Variants in FERMT3 observed in about 807,000 individuals in gnomAD.
FERMT3 encodes the protein fermitin family homolog 3.
A neutral mutation model predicts 80.8 loss-of-function variants in FERMT3; 33 were observed. The ratio of observed to expected loss-of-function variants is 0.41; its 90% CI spans 0.31 to 0.55. The LOEUF (loss-of-function observed/expected upper bound fraction) is 0.55, where lower values mean the gene tolerates loss of function less well. FERMT3 is among the 20% of genes least tolerant of loss of function. The probability of loss-of-function intolerance (pLI) is 0.31; values close to 1 mark genes in which losing one functional copy is unlikely to be tolerated. For missense variants in FERMT3, 754 were observed against 908.7 expected (o/e 0.83, Z 2.19); for synonymous variants, 375 against 372.2 (o/e 1.01, Z -0.09).
rs1489964334 is a variant in FERMT3, at chr11:64,220,291, G to C, written c.1276G>C (p.Glu426Gln). The change falls in exon 11 of 15, where the codon GAG (glutamate) becomes CAG (glutamine). Residue 426 changes from glutamate (E) to glutamine (Q), a missense_variant. Coordinates refer to ENST00000345728, the MANE Select transcript of FERMT3 (RefSeq NM_031471.6). ...FCIKLLVPSPEGMSEIYLRCQ... is the reference protein window; with the variant it reads ...FCIKLLVPSPQGMSEIYLRCQ... Reference sequence around the variant, plus strand: ...CATTAAACTCCTAGTGCCCTCCCCTGAGGGCATGAGTGAGATCTACCTGCG... The same window carrying C: ...CATTAAACTCCTAGTGCCCTCCCCTCAGGGCATGAGTGAGATCTACCTGCG... 5 of 1,613,846 alleles carry C rather than the reference G, an allele frequency of 3.1e-6. No individual in the cohort carries two copies. The African/African-American group carries it at 6.7e-5, about 22-fold the overall frequency.
Position 64,211,814 on chromosome 11 carries a change from T to C in FERMT3, c.786+67T>C. 3.4e-6 allele frequency: 5 copies of C among 1,469,968 alleles called. No homozygotes were observed. The highest frequency in any genetic ancestry group is 4.8e-6 in the Non-Finnish European group (5 of 1,050,662). 91.1% of individuals were successfully genotyped at this position (1,469,968 alleles called of 1,614,324 possible). A position where few individuals can be genotyped will look rare whatever the true frequency, so the allele number is the denominator to read the frequency against. ...ATGTGGAGACCTAGGGCCTGGGGTA[T>C]GGGCTCTGGGATGTTAGTGACTTGT... On this transcript the variant is annotated intron_variant, in intron 6 of 14. Coordinates refer to ENST00000345728, the MANE Select transcript of FERMT3 (RefSeq NM_031471.6). The surrounding 1 kb of genome is among the most constrained non-coding windows in gnomAD (Gnocchi z 4.7).
intron 6 of FERMT3, among the ~76,000 whole-genome samples, chr11:64,214,570 C>T (rs752570759): frequency 1.6e-4 from 25 of 152,120 alleles, no homozygotes; most frequent in Non-Finnish European, 2.6e-4. Flanking sequence ...TGGTCTCAAA[C>T]TCCTGCCCTC....
rs1946777242 is a variant in FERMT3, at chr11:64,223,623, G to A, written c.*131G>A. 8.6e-7 allele frequency: 1 copy of A among 1,163,870 alleles called. No homozygotes were observed. The highest frequency in any genetic ancestry group is 1.3e-5 in the South Asian group (1 of 74,828). The allele number at this position is 1,163,870 out of a possible 1,614,324, so 72.1% of individuals were successfully genotyped here. On this transcript the variant is annotated 3_prime_UTR_variant, in exon 15 of 15. Coordinates refer to ENST00000345728, the MANE Select transcript of FERMT3 (RefSeq NM_031471.6). Reference sequence around the variant, plus strand: ...GCTGGGCATTTCACCTGCTGTCACTGACTTTGTGCAGGCCAAGGACCTGGC... The same window carrying A: ...GCTGGGCATTTCACCTGCTGTCACTAACTTTGTGCAGGCCAAGGACCTGGC...
intron 1 of FERMT3, 22 bp from the exon 2 acceptor site, chr11:64,207,329 C>T: frequency 6.2e-7 from 1 of 1,613,954 alleles, no homozygotes; most frequent in South Asian, 1.1e-5. Context: ...GCCCACCTTG[C>T]CTCCTTCCAC....
chr11:64,213,722 C>T (rs962969500), intron 6 of FERMT3, among the ~76,000 whole-genome samples: 1 of 149,420 alleles, frequency 6.7e-6, no homozygotes, highest in Non-Finnish European at 1.5e-5. Flanking sequence ...CCATGCCCAG[C>T]TAATTTTGTA....
rs757501985 is a variant in FERMT3 at position 64,211,594 on chromosome 11, C to G, written c.684-51C>G. 14 of 1,589,436 alleles carry G rather than the reference C, an allele frequency of 8.8e-6. No individual in the cohort carries two copies. In the Admixed American group the frequency reaches 2.4e-4, roughly 27 times the overall value. ...CCCCCAGCCCAGCCCCCCTCCCCAC[C>G]CCACGGCCGTACCTGGCGCAGCCCT... On this transcript the variant is annotated intron_variant, in intron 5 of 14. Transcript: ENST00000345728. This position sits in a 1 kb window ranked among gnomAD's most constrained non-coding sequence, Gnocchi z 4.7.
upstream of FERMT3, among the ~76,000 whole-genome samples, chr11:64,206,064 C>T (rs917515462): frequency 2.0e-5 from 3 of 152,034 alleles, no homozygotes; most frequent in Admixed American, 1.3e-4. Flanking sequence ...GAGTGAGCCT[C>T]GTGGGGACTC....
In FERMT3 at chr11:64,216,491, G is replaced by A. The variant is rs915545510; in HGVS notation, c.787-2760G>A. On this transcript the variant is annotated intron_variant, in intron 6 of 14. Coordinates refer to ENST00000345728, the MANE Select transcript of FERMT3 (RefSeq NM_031471.6). The stretch of plus-strand genomic sequence containing the variant: ...TGGGATTACAGGCGTGAGCCACCGG[G>A]CCCAGCCTCTATAAGGATTTTTTCG... 7.8e-4 allele frequency among the ~76,000 whole-genome samples: 111 copies of A among 141,632 alleles called. 1 individual carries two copies. Among genetic ancestry groups the A allele is most frequent in the Non-Finnish European group, 1.3e-3 (87 of 64,928 alleles). 92.9% of individuals were successfully genotyped at this position (141,632 alleles called of 152,430 possible).
At chr11:64,217,563 T>G (rs983574182) in intron 6 of FERMT3, among the ~76,000 whole-genome samples, 3 of 151,618 alleles carry the variant, frequency 2.0e-5, no homozygotes, top group Non-Finnish European at 4.4e-5. Flanking sequence ...AAAAAAAAAT[T>G]GTCTGTTTTC....
In FERMT3 at chr11:64,223,405, T is replaced by A. The variant is rs201355598; in HGVS notation, c.1905T>A (p.Ile635=). 76 of 1,613,884 alleles carry A rather than the reference T, an allele frequency of 4.7e-5. No individual in the cohort carries two copies. The East Asian group carries it at 1.7e-3, about 35-fold the overall frequency. ...TACACGAGTATATCGGGGGCTACAT[T>A]TTCCTGTCGACGCGGGAGCGGGCCC... is the stretch of plus-strand genomic sequence containing the variant. ...RIVHEYIGGY[I]FLSTRERARG... Residue 635 remains isoleucine (I), a synonymous_variant, in exon 15 of 15, where the codon ATT becomes ATA. Transcript: ENST00000345728.
In FERMT3 at chr11:64,210,268, C is replaced by T. The variant is rs994623364; in HGVS notation, c.161-343C>T. ...GAATGCAAGACAGAGGCTGTTAAAC[C>T]GTGGATTATGGGAGGACAGAGGGGG... On this transcript the variant is annotated intron_variant, in intron 2 of 14. Transcript: ENST00000345728. This position sits in a 1 kb window ranked among gnomAD's most constrained non-coding sequence, Gnocchi z 4.3. 5.3e-5 allele frequency among the ~76,000 whole-genome samples: 8 copies of T among 152,006 alleles called. No individual in the cohort carries two copies. The South Asian group carries it at 1.2e-3, about 24-fold the overall frequency.
intron 2 of FERMT3, among the ~76,000 whole-genome samples, chr11:64,208,516 C>T (rs752456318): frequency 6.6e-6 from 1 of 152,250 alleles, no homozygotes; most frequent in African/African-American, 2.4e-5. Flanking sequence ...CACATCAGCT[C>T]TGTCTACTGA....
At position 64,219,425 on chromosome 11, in the gene FERMT3, T is replaced by C. The variant is rs549141905; in HGVS notation, c.894+67T>C. ...AGCCAGTCCCAGGGCAGGAAGGGCC[T>C]TCCTGAGTGGGGGCTACCTCCAGGG... On this transcript the variant is annotated intron_variant, in intron 7 of 14. Transcript: ENST00000345728. The surrounding 1 kb of genome is among the most constrained non-coding windows in gnomAD (Gnocchi z 4.0). 76 of 1,560,588 alleles carry C rather than the reference T, an allele frequency of 4.9e-5. No homozygotes were observed. In the South Asian group the frequency reaches 8.1e-4, roughly 17 times the overall value.
intron 6 of FERMT3, among the ~76,000 whole-genome samples, chr11:64,217,087 G>A (rs898949340): frequency 5.9e-5 from 9 of 152,286 alleles, no homozygotes; most frequent in Non-Finnish European, 8.8e-5. Flanking sequence ...CCCTGGAGGC[G>A]ATGGGGCCGG....
Position 64,223,343 on chromosome 11 carries a change from G to A in FERMT3, c.1843G>A (p.Val615Met). ...CATCGAGTTTGATGAACACATCAAT[G>A]TGGCCTTCAGCTGCGTGTCTGCCAG... ...VAIEFDEHIN[V>M]AFSCVSASCR... The change falls in exon 15 of 15, where the codon GTG becomes ATG. Residue 615 changes from valine to methionine, a missense_variant. Coordinates refer to ENST00000345728, the MANE Select transcript of FERMT3 (RefSeq NM_031471.6). 1 of 1,614,082 alleles carries A rather than the reference G, an allele frequency of 6.2e-7. No homozygotes were observed. The highest frequency in any genetic ancestry group is 8.5e-7 in the Non-Finnish European group (1 of 1,180,046).
At chr11:64,212,367 C>T (rs1005989046) in intron 6 of FERMT3, among the ~76,000 whole-genome samples, 4 of 152,222 alleles carry the variant, frequency 2.6e-5, no homozygotes, top group Admixed American at 2.0e-4. Context: ...TGCAAAACAT[C>T]GTAGTTGTCT....
Position 64,223,441 on chromosome 11 carries a change from G to C in FERMT3, c.1941G>C (p.Glu647Asp). The stretch of plus-strand genomic sequence containing the variant: ...CGCGGGAGCGGGCCCGTGGGGAGGA[G>C]CTGGATGAAGACCTCTTCCTGCAGC... ...LSTRERARGE[E>D]LDEDLFLQLT... Residue 647 changes from glutamate (E) to aspartate (D), a missense_variant, in exon 15 of 15, where the codon GAG (glutamate) becomes GAC (aspartate). Glu to Asp is a conservative substitution (Grantham distance 45, BLOSUM62 2). Transcript: ENST00000345728. The C allele has an allele frequency of 6.2e-7, 1 of 1,612,964 alleles. No homozygotes were observed. Among genetic ancestry groups the C allele is most frequent in the East Asian group, 2.2e-5 (1 of 44,890 alleles).
rs201564837 is a variant in FERMT3, at chr11:64,219,709, G to A, written c.1030-31G>A. The A allele has an allele frequency of 2.1e-4, 336 of 1,613,788 alleles. No homozygotes were observed. The African/African-American group carries it at 4.1e-3, about 20-fold the overall frequency. On this transcript the variant is annotated intron_variant, in intron 8 of 14. Transcript: ENST00000345728. The surrounding 1 kb of genome is among the most constrained non-coding windows in gnomAD (Gnocchi z 4.0). ...TGGGCAGGGAGAACTGTGAGGTACC[G>A]GGTGCCCCTCTGACTCTGGTCCTCC...
At chr11:64,220,890 C>T (rs375180691) in intron 12 of FERMT3, 126 bp from the exon 13 acceptor site, 35 of 1,521,700 alleles carry the variant, frequency 2.3e-5, no homozygotes, top group South Asian at 8.5e-5. Flanking sequence ...TGCACCTTGG[C>T]GGCCCCACGT....
Sources: gnomAD v4.1 joint callset for allele counts (sites outside exome capture counted in the v4.1 genomes callset) on GRCh38, gnomAD v4.1.1 for gene constraint, Gnocchi (gnomAD v3.1) non-coding constraint, MANE v1.5 for transcripts, NCBI Gene and HGNC (gene_info 2026-07-23, HGNC 2026-07-21) for gene names.